Variants in FHIT observed in about 807,000 individuals in gnomAD.
FHIT encodes bis(5'-adenosyl)-triphosphatase.
FHIT carries 19 observed loss-of-function variants against 17.9 expected under a neutral mutation model. That is an observed-to-expected ratio of 1.06 (90% CI 0.74 to 1.56). The LOEUF (loss-of-function observed/expected upper bound fraction) is 1.56, where lower values mean the gene tolerates loss of function less well. Among genes scored for constraint, FHIT ranks in the 40% most tolerant of loss-of-function variants. The pLI is 0.00. For missense variants in FHIT, 248 were observed against 189.2 expected (o/e 1.31, Z -1.82); for synonymous variants, 81 against 69.7 (o/e 1.16, Z -0.81).
chr3:60,074,724 T>C (rs1405957314), intron 5 of FHIT, among the ~76,000 whole-genome samples: 1 of 152,020 alleles, frequency 6.6e-6, no homozygotes, highest in Admixed American at 6.6e-5. Context: ...ATTACAATAG[T>C]TTCTTCTCTT....
intron 4 of FHIT, among the ~76,000 whole-genome samples, chr3:60,632,880 G>A (rs2039482881): frequency 6.6e-6 from 1 of 152,178 alleles, no homozygotes; most frequent in Admixed American, 6.5e-5. Context: ...AGGAGACAAT[G>A]CAACATAGCT....
chr3:60,825,342 A>G (rs1315571678), intron 3 of FHIT, among the ~76,000 whole-genome samples: 10 of 152,212 alleles, frequency 6.6e-5, no homozygotes, highest in African/African-American at 2.4e-4. Context: ...TAAAGGACAT[A>G]TGGCTGTTAA....
chr3:60,137,041 C>A (rs1265433547), intron 5 of FHIT, among the ~76,000 whole-genome samples: 1 of 152,136 alleles, frequency 6.6e-6, no homozygotes, highest in Non-Finnish European at 1.5e-5. Context: ...ATGAATACCT[C>A]CAAGGAGCCG....
intron 3 of FHIT, chr3:60,912,761 T>G: frequency 1.9e-6 from 1 of 517,094 alleles, no homozygotes. Context: ...CTTCTCACAA[T>G]TTGCAGAAAC....
chr3:60,435,948 T>G (rs1173482666), intron 5 of FHIT, among the ~76,000 whole-genome samples: 1 of 152,180 alleles, frequency 6.6e-6, no homozygotes, highest in Non-Finnish European at 1.5e-5. Flanking sequence ...CTAAGGATAA[T>G]GGCCTCCAGC....
At chr3:60,320,487 T>C (rs545525282) in intron 5 of FHIT, among the ~76,000 whole-genome samples, 1 of 152,310 alleles carries the variant, frequency 6.6e-6, no homozygotes, top group Admixed American at 6.5e-5. Context: ...ATAAAGTGCG[T>C]TTTAACAGCT....
intron 7 of FHIT, among the ~76,000 whole-genome samples, chr3:59,958,564 A>G (rs1033233503): frequency 6.6e-6 from 1 of 152,230 alleles, no homozygotes; most frequent in Non-Finnish European, 1.5e-5. Flanking sequence ...GGAACAGCAA[A>G]TAGGTTTTTA....
At chr3:60,887,604 C>A (rs2107156783) in intron 3 of FHIT, among the ~76,000 whole-genome samples, 1 of 152,234 alleles carries the variant, frequency 6.6e-6, no homozygotes, top group South Asian at 2.1e-4. Context: ...CGAGACTGTG[C>A]CACTGCACTC....
chr3:60,457,357 C>T (rs1193147340), intron 5 of FHIT, among the ~76,000 whole-genome samples: 1 of 152,100 alleles, frequency 6.6e-6, no homozygotes, highest in Non-Finnish European at 1.5e-5. Flanking sequence ...ATAAATGGTG[C>T]TGGGAAAACC....
intron 5 of FHIT, among the ~76,000 whole-genome samples, chr3:60,477,093 T>G (rs893191100): frequency 6.6e-6 from 1 of 151,572 alleles, no homozygotes; most frequent in African/African-American, 2.4e-5. Flanking sequence ...ATTCAAACAA[T>G]CACCACCTTT....
At chr3:60,258,874 G>C (rs557370106) in intron 5 of FHIT, among the ~76,000 whole-genome samples, 2 of 152,112 alleles carry the variant, frequency 1.3e-5, no homozygotes, top group Non-Finnish European at 2.9e-5. Flanking sequence ...TTGTGTCCCT[G>C]TATCTTCAGA....
At chr3:59,924,184 G>C (rs958020572) in intron 7 of FHIT, among the ~76,000 whole-genome samples, 4 of 152,126 alleles carry the variant, frequency 2.6e-5, no homozygotes, top group Non-Finnish European at 5.9e-5. Flanking sequence ...GGAAAATAAC[G>C]TAGAACAAGG....
chr3:59,854,644 C>T (rs1248021180), intron 8 of FHIT, among the ~76,000 whole-genome samples: 1 of 152,128 alleles, frequency 6.6e-6, no homozygotes, highest in Non-Finnish European at 1.5e-5. Flanking sequence ...GTGATTTTTA[C>T]AGATGAAAAA....
At chr3:60,630,886 T>C (rs1483260494) in intron 4 of FHIT, among the ~76,000 whole-genome samples, 1 of 151,546 alleles carries the variant, frequency 6.6e-6, no homozygotes, top group Non-Finnish European at 1.5e-5. Flanking sequence ...TTTAACCTTT[T>C]TTGGAAAATA....
At chr3:60,770,365 T>G (rs1700001913) in intron 4 of FHIT, among the ~76,000 whole-genome samples, 2 of 152,186 alleles carry the variant, frequency 1.3e-5, no homozygotes, top group African/African-American at 4.8e-5. Flanking sequence ...CCTCTGGATA[T>G]TCTTGCTCAT....
intron 7 of FHIT, among the ~76,000 whole-genome samples, chr3:59,943,169 C>T (rs546835333): frequency 2.6e-5 from 4 of 152,198 alleles, no homozygotes; most frequent in Admixed American, 6.5e-5. Context: ...AGTGCTTGCA[C>T]GATGCAGGTA....
intron 2 of FHIT, among the ~76,000 whole-genome samples, chr3:61,113,252 T>G (rs2036211887): frequency 6.6e-6 from 1 of 152,040 alleles, no homozygotes; most frequent in African/African-American, 2.4e-5. Flanking sequence ...TCAAGTGATC[T>G]TGCCACCTGG....
At chr3:60,089,259 T>G (rs1194858725) in intron 5 of FHIT, among the ~76,000 whole-genome samples, 1 of 152,224 alleles carries the variant, frequency 6.6e-6, no homozygotes, top group Non-Finnish European at 1.5e-5. Context: ...GACACATTTA[T>G]TTTCTTTAGA....
At chr3:60,251,052 TG>T (rs1705684106) in intron 5 of FHIT, among the ~76,000 whole-genome samples, 1 of 152,220 alleles carries the variant, frequency 6.6e-6, no homozygotes, top group African/African-American at 2.4e-5. Context: ...TACTTCCTTG[TG>T]GGTTTTCACA....
Sources: allele counts gnomAD v4.1 joint callset (sites outside exome capture counted in the v4.1 genomes callset), GRCh38; gene constraint gnomAD v4.1.1; transcripts MANE v1.5; gene names NCBI Gene and HGNC (gene_info 2026-07-23, HGNC 2026-07-21).